CCNY: variants seen among roughly 807,000 people sequenced by gnomAD.
The protein encoded by CCNY is cyclin Y.
Under a neutral mutation model 42.8 loss-of-function variants are expected in CCNY, and 19 were observed. The ratio of observed to expected loss-of-function variants is 0.44; its 90% confidence interval spans 0.31 to 0.65. The LOEUF is 0.65. CCNY is among the 30% of genes least tolerant of loss of function. CCNY has a pLI of 0.07. For missense variants in CCNY, 370 were observed against 437.3 expected, an observed-to-expected ratio of 0.85 and a Z score of 1.37; for synonymous variants, 165 against 162.7, an observed-to-expected ratio of 1.01 and a Z score of -0.11.
chr10:35,269,610 C>A (rs1040524370), intron 3 of CCNY, among the ~76,000 whole-genome samples: 2 of 149,050 alleles, frequency 1.3e-5, no homozygotes, highest in African/African-American at 2.5e-5. Context: ...CAGCCAAGTT[C>A]GCCACTCTTT....
chr10:35,499,905 T>G (rs143908220), intron 2 of CCNY, among the ~76,000 whole-genome samples: 2 of 152,368 alleles, frequency 1.3e-5, no homozygotes. Context: ...TTAGTATGAA[T>G]TAATTTAATT....
intron 1 of CCNY, among the ~76,000 whole-genome samples, chr10:35,337,613 A>AAGTG (rs1450043812): frequency 2.6e-5 from 4 of 152,182 alleles, no homozygotes; most frequent in Non-Finnish European, 5.9e-5. Context: ...TATAAAAGCG[A>AAGTG]AGTGAGTGGA....
At chr10:35,374,739 TTCTAATATACGTGTC>T (rs1343799570) in intron 1 of CCNY, among the ~76,000 whole-genome samples, 1 of 152,232 alleles carries the variant, frequency 6.6e-6, no homozygotes, top group Non-Finnish European at 1.5e-5. Flanking sequence ...ATACTAGAGA[TTCTAATATACGTGTC>T]TCTGAAAAGT....
intron 8 of CCNY, among the ~76,000 whole-genome samples, chr10:35,559,205 T>A (rs910971984): frequency 3.9e-5 from 6 of 152,168 alleles, no homozygotes; most frequent in African/African-American, 7.2e-5. Flanking sequence ...CAGAAAGAAG[T>A]GAGGAGCATG....
At chr10:35,492,217 A>T (rs1294715040) in intron 2 of CCNY, among the ~76,000 whole-genome samples, 1 of 152,174 alleles carries the variant, frequency 6.6e-6, no homozygotes, top group Non-Finnish European at 1.5e-5. Flanking sequence ...AGACACCAGC[A>T]CACACACAGA....
intron 1 of CCNY, among the ~76,000 whole-genome samples, chr10:35,398,230 T>A (rs1837567344): frequency 6.6e-6 from 1 of 152,166 alleles, no homozygotes; most frequent in African/African-American, 2.4e-5. Context: ...GGCCCTCCAT[T>A]CTCTGCAGTG....
At chr10:35,449,206 C>G (rs1328601047) in intron 1 of CCNY, among the ~76,000 whole-genome samples, 1 of 147,560 alleles carries the variant, frequency 6.8e-6, no homozygotes, top group African/African-American at 2.5e-5. Flanking sequence ...CTGAGGTCAC[C>G]ACGCAGCGAG....
At chr10:35,405,793 G>A (rs969791638) in intron 1 of CCNY, among the ~76,000 whole-genome samples, 1 of 152,212 alleles carries the variant, frequency 6.6e-6, no homozygotes, top group African/African-American at 2.4e-5. Flanking sequence ...CCACTAAGCC[G>A]AGAAGATCTG....
chr10:35,322,551 T>C (rs1447923115), intron 3 of CCNY, among the ~76,000 whole-genome samples: 4 of 151,994 alleles, frequency 2.6e-5, no homozygotes, highest in African/African-American at 7.3e-5. Context: ...CAAAAGACAA[T>C]GCTAACAAAA....
At chr10:35,415,143 G>A (rs762688024) in intron 1 of CCNY, among the ~76,000 whole-genome samples, 3 of 152,238 alleles carry the variant, frequency 2.0e-5, no homozygotes, top group Admixed American at 6.5e-5. Context: ...AGAGTGGCAT[G>A]GGGGCAGGCC....
At chr10:35,506,826 T>C (rs1415667214) in intron 3 of CCNY, among the ~76,000 whole-genome samples, 1 of 152,198 alleles carries the variant, frequency 6.6e-6, no homozygotes, top group Non-Finnish European at 1.5e-5. Context: ...CCTGATCTTT[T>C]GTATATAGTG....
At chr10:35,467,901 T>C (rs1354843028) in intron 1 of CCNY, among the ~76,000 whole-genome samples, 1 of 152,258 alleles carries the variant, frequency 6.6e-6, no homozygotes, top group African/African-American at 2.4e-5. Context: ...CTGTTCTCTG[T>C]GCTCCATTCT....
Position 35,569,112 on chromosome 10 carries a change from G to T in CCNY, c.968G>T (p.Arg323Leu). Reference protein sequence around the residue: ...YKDLRRSARKRSASADNLTLP... With the variant: ...YKDLRRSARKLSASADNLTLP... ...GACCTAAGAAGATCCGCGAGGAAGC[G>T]CTCAGCCAGTGCAGACAACCTGACT... The change falls in exon 10 of 10, where the codon CGC becomes CTC. Residue 323 changes from arginine to leucine, a missense_variant. Around this residue, in one of 2 missense-constraint regions of CCNY, gnomAD observed 234 missense variants for 313.1 expected, o/e 0.75. Coordinates refer to ENST00000374704, the MANE Select transcript of CCNY (RefSeq NM_145012.6). 1 of 1,612,930 alleles carries T rather than the reference G, an allele frequency of 6.2e-7. No individual in the cohort carries two copies. The highest frequency in any genetic ancestry group is 2.2e-5 in the East Asian group (1 of 44,868).
In CCNY at chr10:35,358,126, G is replaced by A. The variant is rs1298808445; in HGVS notation, c.154+20919G>A. On this transcript the variant is annotated intron_variant, in intron 1 of 9. Coordinates refer to ENST00000374704, the MANE Select transcript of CCNY (RefSeq NM_145012.6). ...TTTTTGCTTTTTTTGCCCCCCGCAAGAAGTATGGATGTCATACTTCCCTTT... is the reference window on the plus strand; with the variant it reads ...TTTTTGCTTTTTTTGCCCCCCGCAAAAAGTATGGATGTCATACTTCCCTTT... 2.0e-5 allele frequency among the ~76,000 whole-genome samples: 3 copies of A among 151,872 alleles called. No individual in the cohort carries two copies. In the East Asian group the frequency reaches 5.8e-4, roughly 29 times the overall value.
At chr10:35,496,222 A>T (rs1840000270) in intron 2 of CCNY, among the ~76,000 whole-genome samples, 2 of 152,234 alleles carry the variant, frequency 1.3e-5, no homozygotes, top group African/African-American at 4.8e-5. Context: ...TTTTCTTTGT[A>T]GAATAGCACA....
chr10:35,303,817 G>A, intron 3 of CCNY, among the ~76,000 whole-genome samples: 1 of 147,534 alleles, frequency 6.8e-6, no homozygotes. Context: ...AGGAAGGAAG[G>A]AAGGAAAGAA....
intron 1 of CCNY, among the ~76,000 whole-genome samples, chr10:35,481,512 C>T (rs1422404159): frequency 6.6e-6 from 1 of 152,134 alleles, no homozygotes; most frequent in Non-Finnish European, 1.5e-5. Flanking sequence ...AAAAGTGGGT[C>T]TTAAAGAAAA....
chr10:35,506,420 C>T (rs1589165688), intron 3 of CCNY, among the ~76,000 whole-genome samples: 3 of 151,936 alleles, frequency 2.0e-5, no homozygotes, highest in Admixed American at 6.6e-5. Flanking sequence ...CTTCTTTTTG[C>T]GGAATGTCTA....
chr10:35,474,918 A>T (rs941956847), intron 1 of CCNY, among the ~76,000 whole-genome samples: 10 of 151,756 alleles, frequency 6.6e-5, no homozygotes, highest in African/African-American at 2.4e-4. Context: ...AGAAGAATGT[A>T]TAACTAGAAT....
Sources: allele counts gnomAD v4.1 joint callset (sites outside exome capture counted in the v4.1 genomes callset), GRCh38; gene constraint gnomAD v4.1.1; regional missense constraint gnomAD v4.1.1; transcripts MANE v1.5; gene names NCBI Gene and HGNC (gene_info 2026-07-23, HGNC 2026-07-21).